Variants in RGP1 observed in about 807,000 individuals in gnomAD.
The protein encoded by RGP1 is RAB6A-GEF complex partner protein 2.
In RGP1, 28 loss-of-function variants were observed where a neutral mutation model predicts 44.5. The observed-to-expected ratio is 0.63, with a 90% CI of 0.47 to 0.86. RGP1 has a LOEUF of 0.86. RGP1 is among the 40% of genes least tolerant of loss of function. The pLI, the probability that RGP1 is intolerant of heterozygous loss-of-function variation, is 0.00. For missense variants in RGP1, 417 were observed against 490.7 expected, an observed-to-expected ratio of 0.85 and a Z score of 1.42; for synonymous variants, 212 against 196.7, an observed-to-expected ratio of 1.08 and a Z score of -0.65.
the RGP1 span, among the ~76,000 whole-genome samples, chr9:35,782,918 C>T: frequency 2.0e-5 from 3 of 149,780 alleles, no homozygotes; most frequent in African/African-American, 7.4e-5. Flanking sequence ...AAGCGATTCT[C>T]GTGTCTCAGC....
chr9:35,759,567 CAAAAAAAAAAA>C (rs57938702), downstream of RGP1, among the ~76,000 whole-genome samples: 8 of 38,308 alleles, frequency 2.1e-4, no homozygotes, highest in African/African-American at 5.0e-4. Flanking sequence ...ACCCTGTCTC[CAAAAAAAAAAA>C]AAAAAAAAAA....
the RGP1 span, among the ~76,000 whole-genome samples, chr9:35,771,307 G>A: frequency 6.6e-6 from 1 of 152,124 alleles, no homozygotes; most frequent in Non-Finnish European, 1.5e-5. Context: ...GATATGATTA[G>A]ATGCTTCCTT....
the RGP1 span, among the ~76,000 whole-genome samples, chr9:35,763,724 A>C: frequency 6.6e-6 from 1 of 151,978 alleles, no homozygotes; most frequent in South Asian, 2.1e-4. Flanking sequence ...TCTACTAAAA[A>C]TACAAAAATT....
Position 35,749,338 on chromosome 9 carries a change from A to T in RGP1, c.-90A>T, listed in dbSNP as rs761919368. ...GCCGCCGCCGCCGCCGCCGCCGCGT[A>T]CCTAGCCAGGTCCCTGAGGGGCGGG... is the stretch of plus-strand genomic sequence containing the variant. On this transcript the variant is annotated 5_prime_UTR_variant, in exon 1 of 9. Coordinates refer to ENST00000378078, the MANE Select transcript of RGP1 (RefSeq NM_001080496.3). The surrounding 1 kb of genome is among the most constrained non-coding windows in gnomAD (Gnocchi z 4.4). 10 of 533,722 alleles carry T rather than the reference A, an allele frequency of 1.9e-5. No homozygotes were observed. The highest frequency in any genetic ancestry group is 3.8e-5 in the Non-Finnish European group (10 of 260,824). The allele number at this position is 533,722 out of a possible 1,614,324, so 33.1% of individuals were successfully genotyped here.
At chr9:35,763,157 C>T (rs76873291), downstream of RGP1, among the ~76,000 whole-genome samples, 3,012 of 152,316 alleles carry the variant, frequency 0.02, 99 homozygotes, top group African/African-American at 0.069. Flanking sequence ...TCCTTGCTGT[C>T]TAATTCTGTT....
chr9:35,769,102 G>A, the RGP1 span, among the ~76,000 whole-genome samples: 1,452 of 152,330 alleles, frequency 9.5e-3, 7 homozygotes, highest in Non-Finnish European at 0.016. Flanking sequence ...GGTAGCAAGC[G>A]GCCTAGCTGA....
the RGP1 span, among the ~76,000 whole-genome samples, chr9:35,788,198 C>T: frequency 1.3e-5 from 2 of 152,290 alleles, no homozygotes; most frequent in Non-Finnish European, 2.9e-5. Context: ...GAAGAAGGGA[C>T]AGGGCAGCTT....
In RGP1 at chr9:35,758,044, CT is replaced by C. The variant is rs1487111562; in HGVS notation, c.*5171del. 1 of 152,244 alleles carries C rather than the reference CT, an allele frequency of 6.6e-6. No homozygotes were observed. The highest frequency in any genetic ancestry group is 1.5e-5 in the Non-Finnish European group (1 of 68,040). 9.4% of individuals were successfully genotyped at this position (152,244 alleles called of 1,614,324 possible). A position where few individuals can be genotyped will look rare whatever the true frequency, so the allele number is the denominator to read the frequency against. ...TGTTTGGCTTTTGTGCCATTTGCCC[CT>C]CACTGACTTGATTGAATTCTTTGTG... On this transcript the variant is annotated 3_prime_UTR_variant, in exon 9 of 9. Coordinates refer to ENST00000378078, the MANE Select transcript of RGP1 (RefSeq NM_001080496.3).
At chr9:35,769,797 A>T in the RGP1 span, among the ~76,000 whole-genome samples, 3 of 152,176 alleles carry the variant, frequency 2.0e-5, no homozygotes, top group African/African-American at 7.2e-5. Flanking sequence ...GGCACCTTGA[A>T]ATTCAGGATC....
the RGP1 span, among the ~76,000 whole-genome samples, chr9:35,764,432 T>G: frequency 1.5e-4 from 23 of 152,352 alleles, no homozygotes; most frequent in African/African-American, 5.0e-4. Flanking sequence ...TTAATCTCTA[T>G]AATGATTTGT....
chr9:35,757,099 A>AGGCCCC lies in RGP1; in HGVS notation c.*4230_*4231insCGGCCC. ...TGGGAACAAGGAAAACATCCGCCGG[A>AGGCCCC]GGCCCGGCCGGGCGGCGCTCCAGCC... is the stretch of plus-strand genomic sequence containing the variant. On this transcript the variant is annotated 3_prime_UTR_variant, in exon 9 of 9. Coordinates refer to ENST00000378078, the MANE Select transcript of RGP1 (RefSeq NM_001080496.3). 6.6e-6 allele frequency: 1 copy of AGGCCCC among 152,306 alleles called. No homozygotes were observed. The highest frequency in any genetic ancestry group is 1.9e-4 in the East Asian group (1 of 5,144). 9.4% of individuals were successfully genotyped at this position (152,306 alleles called of 1,614,324 possible). A position where few individuals can be genotyped will look rare whatever the true frequency, so the allele number is the denominator to read the frequency against.
chr9:35,762,950 A>G (rs1388261145), downstream of RGP1, among the ~76,000 whole-genome samples: 1 of 113,204 alleles, frequency 8.8e-6, no homozygotes, highest in Non-Finnish European at 2.2e-5. Context: ...GTGTCTTGCC[A>G]GAGGTCACAC....
At chr9:35,752,301 C>T (rs1037143319) in intron 8 of RGP1, among the ~76,000 whole-genome samples, 156 bp downstream of exon 8, 2 of 152,186 alleles carry the variant, frequency 1.3e-5, no homozygotes, top group African/African-American at 2.4e-5. Flanking sequence ...CAACCTCTTC[C>T]TGTTTCTTAG....
chr9:35,778,896 A>G, the RGP1 span, among the ~76,000 whole-genome samples: 1 of 152,186 alleles, frequency 6.6e-6, no homozygotes, highest in South Asian at 2.1e-4. Context: ...TTCTATCTCC[A>G]GTCTATCTCT....
At position 35,753,668 on chromosome 9, in the gene RGP1, G is replaced by A; in HGVS notation, c.*794G>A. On this transcript the variant is annotated 3_prime_UTR_variant, in exon 9 of 9. Coordinates refer to ENST00000378078, the MANE Select transcript of RGP1 (RefSeq NM_001080496.3). The surrounding 1 kb of genome is among the most constrained non-coding windows in gnomAD (Gnocchi z 4.2). ...CATCTTTGGTCACTCACGTGTCACA[G>A]CAGCCCACGCCAACAGGATGCAGAC... 6.2e-7 allele frequency: 1 copy of A among 1,613,680 alleles called. No homozygotes were observed. Among genetic ancestry groups the A allele is most frequent in the South Asian group, 1.1e-5 (1 of 91,052 alleles).
the RGP1 span, chr9:35,780,336 C>T: frequency 6.6e-6 from 1 of 152,134 alleles, no homozygotes; most frequent in African/African-American, 2.4e-5. Flanking sequence ...CCATATCGGA[C>T]TGAGTCTTTA....
chr9:35,783,998 T>TA, the RGP1 span, among the ~76,000 whole-genome samples: 1 of 152,244 alleles, frequency 6.6e-6, no homozygotes, highest in South Asian at 2.1e-4. Flanking sequence ...GATGAGATGA[T>TA]ATCTCATTGA....
Position 35,753,988 on chromosome 9 carries a change from A to G in RGP1, c.*1114A>G, listed in dbSNP as rs778270871. On this transcript the variant is annotated 3_prime_UTR_variant, in exon 9 of 9. Coordinates refer to ENST00000378078, the MANE Select transcript of RGP1 (RefSeq NM_001080496.3). This position sits in a 1 kb window ranked among gnomAD's most constrained non-coding sequence, Gnocchi z 4.2. ...GCTGCTCCTCCATTCCTAACGCTTC[A>G]CCCCACTTTACCTTGAGCTTGGAAG... 6 of 1,609,686 alleles carry G rather than the reference A, an allele frequency of 3.7e-6. No homozygotes were observed. In the Admixed American group the frequency reaches 1.0e-4, roughly 27 times the overall value.
downstream of RGP1, among the ~76,000 whole-genome samples, chr9:35,761,552 T>C (rs1827416325): frequency 6.6e-6 from 1 of 152,038 alleles, no homozygotes; most frequent in Admixed American, 6.6e-5. Context: ...TGCACTCCCG[T>C]AGTCTCGGCT....
Sources: gnomAD v4.1 joint callset for allele counts (sites outside exome capture counted in the v4.1 genomes callset) on GRCh38, gnomAD v4.1.1 for gene constraint, Gnocchi (gnomAD v3.1) non-coding constraint, MANE v1.5 for transcripts, NCBI Gene and HGNC (gene_info 2026-07-23, HGNC 2026-07-21) for gene names.